SETD3: variants seen among roughly 807,000 people sequenced by gnomAD.
SETD3 encodes actin-histidine N-methyltransferase.
Under a neutral mutation model 63.0 loss-of-function variants are expected in SETD3, and 19 were observed. That is an observed-to-expected ratio of 0.30 (90% CI 0.21 to 0.44). The LOEUF (loss-of-function observed/expected upper bound fraction) is 0.44, where lower values mean the gene tolerates loss of function less well. Among genes scored for constraint, SETD3 ranks in the 20% least tolerant of loss-of-function variants. The probability of loss-of-function intolerance (pLI) is 1.00; values close to 1 mark genes in which losing one functional copy is unlikely to be tolerated. For missense variants in SETD3, 587 were observed against 728.5 expected, an observed-to-expected ratio of 0.81 and a Z score of 2.24; for synonymous variants, 286 against 264.1, an observed-to-expected ratio of 1.08 and a Z score of -0.80.
At chr14:99,467,043 G>C (rs141105857) in intron 1 of SETD3, among the ~76,000 whole-genome samples, 2 of 152,218 alleles carry the variant, frequency 1.3e-5, no homozygotes, top group East Asian at 1.9e-4. Flanking sequence ...CCACTATACA[G>C]ATGATCATTG....
chr14:99,464,692 G>A (rs1466043033), intron 2 of SETD3, among the ~76,000 whole-genome samples: 2 of 152,228 alleles, frequency 1.3e-5, no homozygotes, highest in African/African-American at 4.8e-5. Context: ...AAAGGGCAAC[G>A]GAGTGACCAC....
chr14:99,473,119 GAAAT>G (rs1332577045), intron 1 of SETD3, among the ~76,000 whole-genome samples: 7 of 152,294 alleles, frequency 4.6e-5, no homozygotes, highest in African/African-American at 1.4e-4. Flanking sequence ...AGAAGACAGA[GAAAT>G]GAATGACAAA....
the SETD3 span, among the ~76,000 whole-genome samples, chr14:99,485,938 C>T: frequency 6.6e-6 from 1 of 152,178 alleles, no homozygotes; most frequent in Non-Finnish European, 1.5e-5. Context: ...ACACCTTCTG[C>T]CCTATTGCAC....
intron 8 of SETD3, chr14:99,410,323 G>C: frequency 6.7e-7 from 1 of 1,494,582 alleles, no homozygotes. Context: ...ATGGGCTTTT[G>C]AGACTGTAAG....
Position 99,443,724 on chromosome 14 carries a change from T to C in SETD3, c.675+14555A>G, listed in dbSNP as rs151149221. 3.3e-5 allele frequency among the ~76,000 whole-genome samples: 5 copies of C among 152,346 alleles called. No homozygotes were observed. The East Asian group carries it at 9.6e-4, about 29-fold the overall frequency. On this transcript the variant is annotated intron_variant, in intron 6 of 12. Transcript: ENST00000331768. Reference sequence around the variant, plus strand: ...CTTCACTGGTGAGTAAAAAGAATTCTCATGCTGCAGATTATGAGATTGACT... The same window carrying C: ...CTTCACTGGTGAGTAAAAAGAATTCCCATGCTGCAGATTATGAGATTGACT...
intron 8 of SETD3, chr14:99,411,583 A>C (rs778564859): frequency 3.2e-4 from 48 of 152,334 alleles, no homozygotes; most frequent in Non-Finnish European, 6.0e-4. Context: ...ATTTTATTAA[A>C]AAGAACTCTA....
At chr14:99,419,275 T>G (rs979280451) in intron 6 of SETD3, among the ~76,000 whole-genome samples, 1 of 152,202 alleles carries the variant, frequency 6.6e-6, no homozygotes, top group Non-Finnish European at 1.5e-5. Flanking sequence ...ATATATAATT[T>G]TTCTATGACA....
chr14:99,472,847 A>G (rs190255656), intron 1 of SETD3, among the ~76,000 whole-genome samples: 2 of 152,344 alleles, frequency 1.3e-5, no homozygotes, highest in African/African-American at 4.8e-5. Context: ...AATGATTTAA[A>G]TAATACTTAA....
intron 1 of SETD3, among the ~76,000 whole-genome samples, chr14:99,477,476 C>T (rs1215994254): frequency 6.6e-6 from 1 of 151,764 alleles, no homozygotes; most frequent in Non-Finnish European, 1.5e-5. Flanking sequence ...AAGTCTCAGC[C>T]CAGTGCGGTG....
rs145874236 is a variant in SETD3 at position 99,450,279 on chromosome 14, T to C, written c.675+8000A>G. 2.6e-5 allele frequency among the ~76,000 whole-genome samples: 4 copies of C among 152,346 alleles called. No individual in the cohort carries two copies. In the East Asian group the frequency reaches 7.7e-4, roughly 29 times the overall value. ...ACATTCCTGAAGGCCTCATGTATTA[T>C]CAGAGTTCTAAATGTAGATGAGAGC... On this transcript the variant is annotated intron_variant, in intron 6 of 12. Coordinates refer to ENST00000331768, the MANE Select transcript of SETD3 (RefSeq NM_032233.3).
intron 1 of SETD3, among the ~76,000 whole-genome samples, chr14:99,474,475 T>C (rs1405776738): frequency 6.6e-6 from 1 of 152,194 alleles, no homozygotes; most frequent in Non-Finnish European, 1.5e-5. Flanking sequence ...GATCTATAAA[T>C]TGCATGCAAA....
chr14:99,465,516 C>T lies in SETD3; in HGVS notation c.103+187G>A, dbSNP rs116812665. Among the ~76,000 whole-genome samples, 627 of 152,282 alleles carry T rather than the reference C, an allele frequency of 4.1e-3. 3 individuals carry two copies. The highest frequency in any genetic ancestry group is 0.014 in the African/African-American group (564 of 41,540). On this transcript the variant is annotated intron_variant, in intron 2 of 12. Coordinates refer to ENST00000331768, the MANE Select transcript of SETD3 (RefSeq NM_032233.3). Reference sequence around the variant, plus strand: ...CTTGTTAACAGCCACACAGTTCTGACGGGTGTTTCCATCCTCACAGGTGAG... The same window carrying T: ...CTTGTTAACAGCCACACAGTTCTGATGGGTGTTTCCATCCTCACAGGTGAG...
intron 1 of SETD3, among the ~76,000 whole-genome samples, chr14:99,468,655 C>T (rs1895530170): frequency 6.6e-6 from 1 of 152,166 alleles, no homozygotes; most frequent in Admixed American, 6.5e-5. Context: ...CCGTTCACCC[C>T]TTGACTGTAA....
chr14:99,481,423 A>G (rs1595298558), upstream of SETD3: 11 of 398,550 alleles, frequency 2.8e-5, no homozygotes. Context: ...TTCCATATAC[A>G]AGATGGCCGC....
At chr14:99,434,446 C>T (rs1417197301) in intron 6 of SETD3, among the ~76,000 whole-genome samples, 4 of 151,626 alleles carry the variant, frequency 2.6e-5, no homozygotes, top group African/African-American at 7.3e-5. Context: ...ATGAGAAGAG[C>T]GCTTACCCCT....
At chr14:99,429,765 AAATCCAATATAG>A (rs1472592848) in intron 6 of SETD3, among the ~76,000 whole-genome samples, 1 of 152,248 alleles carries the variant, frequency 6.6e-6, no homozygotes, top group Middle Eastern at 3.2e-3. Flanking sequence ...GAACAGAAGC[AAATCCAATATAG>A]AAACCCATCT....
intron 11 of SETD3, among the ~76,000 whole-genome samples, chr14:99,403,859 C>A (rs1231180828): frequency 1.3e-5 from 2 of 152,244 alleles, no homozygotes; most frequent in African/African-American, 4.8e-5. Flanking sequence ...ACAGCATCAA[C>A]TGATCCTGAA....
rs77299274 is a variant in SETD3 at position 99,470,657 on chromosome 14, C to T, written c.-8-4844G>A. Among the ~76,000 whole-genome samples the T allele has an allele frequency of 4.1e-3, 624 of 152,240 alleles. 3 individuals are homozygous for T. The highest frequency in any genetic ancestry group is 0.014 in the African/African-American group (561 of 41,540). On this transcript the variant is annotated intron_variant, in intron 1 of 12. Transcript: ENST00000331768. The stretch of plus-strand genomic sequence containing the variant: ...GTACCCTGAATCCCAGGCAGTCGGG[C>T]GTGAACTTAAGTCACTGAAGGCAAG...
In SETD3 at chr14:99,461,261, A is replaced by C. The variant is rs757915466; in HGVS notation, c.276T>G (p.Ser92=). The change falls in exon 4 of 13, where the codon TCT becomes TCG. Residue 92 remains serine, a synonymous_variant. Transcript: ENST00000331768. ...LMKWASENGA[S]VEGFEMVNFK... ...AGTTAACCATTTCAAAACCCTCGAC[A>C]GAAGCCCCATTTTCAGAGGCCCATT... is the stretch of plus-strand genomic sequence containing the variant. The C allele has an allele frequency of 6.2e-7, 1 of 1,614,236 alleles. No homozygotes were observed. Among genetic ancestry groups the C allele is most frequent in the Non-Finnish European group, 8.5e-7 (1 of 1,180,038 alleles).
Sources: gnomAD v4.1 joint callset for allele counts (sites outside exome capture counted in the v4.1 genomes callset) on GRCh38, gnomAD v4.1.1 for gene constraint, MANE v1.5 for transcripts, NCBI Gene and HGNC (gene_info 2026-07-23, HGNC 2026-07-21) for gene names.